The following FBLN2 variants were observed in gnomAD, a reference collection of about 807,000 sequenced individuals.
FBLN2 encodes the protein fibulin 2.
FBLN2 carries 81 observed loss-of-function variants against 123.7 expected under a neutral mutation model. The observed-to-expected ratio is 0.65, with a 90% CI of 0.55 to 0.79. The LOEUF (loss-of-function observed/expected upper bound fraction) is 0.79, where lower values mean the gene tolerates loss of function less well. FBLN2 is among the 30% of genes least tolerant of loss of function. FBLN2 has a pLI of 0.00. For synonymous variants in FBLN2, 699 were observed against 701.4 expected, an observed-to-expected ratio of 1.00 and a Z score of 0.05; for missense variants, 1,603 against 1,681.3, an observed-to-expected ratio of 0.95 and a Z score of 0.81.
chr3:13,623,284 T>G (rs553731951), intron 9 of FBLN2, among the ~76,000 whole-genome samples: 1 of 152,294 alleles, frequency 6.6e-6, no homozygotes, highest in East Asian at 1.9e-4. Flanking sequence ...TGCCCTGCCC[T>G]CTCGCGGTGC....
At chr3:13,550,845 G>A (rs553402299) in intron 1 of FBLN2, among the ~76,000 whole-genome samples, 3 of 152,308 alleles carry the variant, frequency 2.0e-5, no homozygotes, top group South Asian at 4.1e-4. Context: ...TGCCAGCCCC[G>A]GCTGTGGCTG....
In FBLN2 at chr3:13,573,596, C is replaced by T. The variant is rs368681988; in HGVS notation, c.1306+1935C>T. On this transcript the variant is annotated intron_variant, in intron 2 of 17. Transcript: ENST00000404922. ...TACCGGCTCCTGTGCACATGCTGGG[C>T]ACTCAGAAGCCACTGTCAGAGGGTG... is the stretch of plus-strand genomic sequence containing the variant. Among the ~76,000 whole-genome samples, 67 of 152,246 alleles carry T rather than the reference C, an allele frequency of 4.4e-4. 1 individual carries two copies. The East Asian group carries it at 0.012, about 28-fold the overall frequency.
intron 1 of FBLN2, among the ~76,000 whole-genome samples, chr3:13,556,337 G>A (rs897391762): frequency 7.3e-5 from 11 of 151,480 alleles, no homozygotes; most frequent in Non-Finnish European, 1.0e-4. Flanking sequence ...AGCGGCGGAC[G>A]GAGAGAGAGA....
At chr3:13,627,715 G>T in intron 10 of FBLN2, 117 bp from the exon 11 acceptor site, 1 of 1,315,280 alleles carries the variant, frequency 7.6e-7, no homozygotes. Context: ...GCTTCCCAGG[G>T]AGATCTTTGT....
intron 2 of FBLN2, among the ~76,000 whole-genome samples, chr3:13,599,738 T>C (rs2124868184): frequency 6.6e-6 from 1 of 150,982 alleles, no homozygotes; most frequent in South Asian, 2.1e-4. Flanking sequence ...GTCCTGAGGA[T>C]GGTAGGGCCT....
intron 4 of FBLN2, 35 bp from the exon 5 acceptor site, chr3:13,613,949 A>G: frequency 1.3e-6 from 2 of 1,595,080 alleles, no homozygotes; most frequent in Non-Finnish European, 8.5e-7. Context: ...GGCTGGGGCC[A>G]GAGATTGGGC....
chr3:13,619,781 G>A lies in FBLN2; in HGVS notation c.2105G>A (p.Cys702Tyr), dbSNP rs1705782119. Residue 702 changes from cysteine (C) to tyrosine (Y), a missense_variant, in exon 8 of 18, where the codon TGC becomes TAC. Coordinates refer to ENST00000404922, the MANE Select transcript of FBLN2 (RefSeq NM_001004019.2). ...VCSTVGGSAI[C>Y]SCFPGYAIMA... ...AGCACTGTTGGGGGCTCAGCCATATGCTCCTGTTTTCCCGGCTATGCCATC... is the reference window on the plus strand; with the variant it reads ...AGCACTGTTGGGGGCTCAGCCATATACTCCTGTTTTCCCGGCTATGCCATC... 1.2e-6 allele frequency: 2 copies of A among 1,613,046 alleles called. No homozygotes were observed. Among genetic ancestry groups the A allele is most frequent in the Non-Finnish European group, 1.7e-6 (2 of 1,179,474 alleles).
chr3:13,605,727 C>T (rs1177697158), intron 2 of FBLN2, among the ~76,000 whole-genome samples: 5 of 152,256 alleles, frequency 3.3e-5, no homozygotes, highest in East Asian at 1.9e-4. Flanking sequence ...AGGAGCAGAG[C>T]GTCTGGGTCC....
chr3:13,568,762 A>G (rs755752629), intron 1 of FBLN2: 30 of 985,450 alleles, frequency 3.0e-5, no homozygotes, highest in Non-Finnish European at 3.3e-5. Flanking sequence ...TTATTTCATC[A>G]TGGGGCTCAT....
chr3:13,580,006 C>T (rs1424924961), intron 2 of FBLN2, among the ~76,000 whole-genome samples: 3 of 152,230 alleles, frequency 2.0e-5, no homozygotes, highest in Admixed American at 6.5e-5. Flanking sequence ...GGTTAGTTTT[C>T]CTGCTCTTAA....
At chr3:13,568,907 G>A in intron 1 of FBLN2, 1 of 985,826 alleles carries the variant, frequency 1.0e-6, no homozygotes, top group Non-Finnish European at 1.2e-6. Context: ...TCCTAGAGGG[G>A]CTGGGTGCAG....
intron 6 of FBLN2, among the ~76,000 whole-genome samples, chr3:13,618,520 G>T (rs1288754064): frequency 2.6e-5 from 4 of 152,296 alleles, no homozygotes; most frequent in Middle Eastern, 3.4e-3. Context: ...TCCCATATTC[G>T]AGCGCAGGGA....
At chr3:13,624,845 G>A (rs1057446423) in intron 9 of FBLN2, among the ~76,000 whole-genome samples, 4 of 152,282 alleles carry the variant, frequency 2.6e-5, no homozygotes, top group Admixed American at 6.5e-5. Context: ...CCTGACCGCC[G>A]CCACAAGGTG....
At chr3:13,630,332 C>G (rs1205714111) in intron 14 of FBLN2, among the ~76,000 whole-genome samples, 1 of 152,234 alleles carries the variant, frequency 6.6e-6, no homozygotes, top group Admixed American at 6.5e-5. Context: ...GTTCATGGTG[C>G]TGTTGGCCCC....
chr3:13,606,776 C>G (rs564422638), intron 2 of FBLN2, among the ~76,000 whole-genome samples: 1 of 150,012 alleles, frequency 6.7e-6, no homozygotes, highest in East Asian at 2.0e-4. Flanking sequence ...CTCAGCCTCC[C>G]GAGTAGCTGG....
intron 1 of FBLN2, among the ~76,000 whole-genome samples, chr3:13,555,764 T>TA (rs1703447847): frequency 6.6e-6 from 1 of 152,198 alleles, no homozygotes; most frequent in Non-Finnish European, 1.5e-5. Context: ...CCCTGGTTTT[T>TA]AAAAAGAATG....
rs977335932 is a variant in FBLN2 at position 13,638,186 on chromosome 3, C to T, written c.*267C>T. ...CCCTGTGGGTGAGGCTGGGTGATGA[C>T]CTGAGGACCAGAGACACGCGACCAT... On this transcript the variant is annotated 3_prime_UTR_variant, in exon 18 of 18. Coordinates refer to ENST00000404922, the MANE Select transcript of FBLN2 (RefSeq NM_001004019.2). 7 of 638,176 alleles carry T rather than the reference C, an allele frequency of 1.1e-5. No individual in the cohort carries two copies. The highest frequency in any genetic ancestry group is 1.8e-5 in the African/African-American group (1 of 54,662). 39.5% of individuals were successfully genotyped at this position (638,176 alleles called of 1,614,324 possible). A position where few individuals can be genotyped will look rare whatever the true frequency, so the allele number is the denominator to read the frequency against.
At chr3:13,581,873 A>G (rs1034934425) in intron 2 of FBLN2, among the ~76,000 whole-genome samples, 4 of 152,132 alleles carry the variant, frequency 2.6e-5, no homozygotes, top group African/African-American at 9.7e-5. Context: ...TGTTGAGCCC[A>G]GCTCTGAACC....
At chr3:13,576,317 A>G (rs1228793453) in intron 2 of FBLN2, among the ~76,000 whole-genome samples, 1 of 152,220 alleles carries the variant, frequency 6.6e-6, no homozygotes, top group African/African-American at 2.4e-5. Context: ...CTTCCCAGAT[A>G]TCACACAGGC....
Sources: gnomAD v4.1 joint callset for allele counts (sites outside exome capture counted in the v4.1 genomes callset) on GRCh38, gnomAD v4.1.1 for gene constraint, MANE v1.5 for transcripts, NCBI Gene and HGNC (gene_info 2026-07-23, HGNC 2026-07-21) for gene names.